PABPC4L: variants seen among roughly 807,000 people sequenced by gnomAD.
PABPC4L encodes poly(A) binding protein cytoplasmic 4 like.
For missense variants in PABPC4L, 452 were observed against 451.4 expected (o/e 1.00, Z -0.01); for synonymous variants, 169 against 164.1 (o/e 1.03, Z -0.23).
At chr4:134,123,193 G>A in the PABPC4L span, among the ~76,000 whole-genome samples, 3 of 151,890 alleles carry the variant, frequency 2.0e-5, no homozygotes, top group African/African-American at 7.3e-5. Flanking sequence ...ATGGCCCACA[G>A]CACTATCACT....
chr4:134,009,835 T>C, the PABPC4L span, among the ~76,000 whole-genome samples: 2,185 of 152,180 alleles, frequency 0.014, 68 homozygotes, highest in Admixed American at 0.054. Flanking sequence ...AAATGTATAT[T>C]AATTGTTCTA....
At chr4:134,073,375 C>G in the PABPC4L span, among the ~76,000 whole-genome samples, 1 of 152,336 alleles carries the variant, frequency 6.6e-6, no homozygotes, top group Middle Eastern at 3.4e-3. Context: ...TGTCTCACAT[C>G]CAGGTCACGC....
the PABPC4L span, among the ~76,000 whole-genome samples, chr4:134,037,837 T>G: frequency 6.6e-6 from 1 of 152,146 alleles, no homozygotes; most frequent in African/African-American, 2.4e-5. Flanking sequence ...CTGATTGCCC[T>G]GGCCAGAACT....
the PABPC4L span, among the ~76,000 whole-genome samples, chr4:134,108,986 T>G: frequency 1.3e-5 from 2 of 152,074 alleles, no homozygotes; most frequent in Non-Finnish European, 2.9e-5. Flanking sequence ...AGTATCAAGT[T>G]TGATAAATAA....
the PABPC4L span, among the ~76,000 whole-genome samples, chr4:133,959,575 C>T: frequency 6.6e-6 from 1 of 152,078 alleles, no homozygotes; most frequent in African/African-American, 2.4e-5. Flanking sequence ...AAATAAAATA[C>T]AAGATGGATT....
At chr4:134,018,111 A>G in the PABPC4L span, among the ~76,000 whole-genome samples, 5 of 151,986 alleles carry the variant, frequency 3.3e-5, no homozygotes, top group Non-Finnish European at 7.4e-5. Context: ...GCCTTAACTG[A>G]TGACATTGTC....
the PABPC4L span, among the ~76,000 whole-genome samples, chr4:134,143,666 C>T: frequency 6.6e-6 from 1 of 150,686 alleles, no homozygotes; most frequent in Admixed American, 6.6e-5. Flanking sequence ...ACAGAATTTC[C>T]CCATAACTCA....
the PABPC4L span, among the ~76,000 whole-genome samples, chr4:134,055,668 A>T: frequency 8.2e-6 from 1 of 121,796 alleles, no homozygotes; most frequent in Non-Finnish European, 1.8e-5. Context: ...AATTGGATTG[A>T]TAATTTTTTT....
chr4:134,113,501 C>T, the PABPC4L span, among the ~76,000 whole-genome samples: 5 of 151,832 alleles, frequency 3.3e-5, no homozygotes, highest in Admixed American at 3.3e-4. Context: ...GAAACAATAG[C>T]TGTATTATAG....
At chr4:134,069,255 T>G in the PABPC4L span, among the ~76,000 whole-genome samples, 1 of 152,108 alleles carries the variant, frequency 6.6e-6, no homozygotes, top group Non-Finnish European at 1.5e-5. Flanking sequence ...ATTTTAACAT[T>G]TTTTCTTTCA....
At chr4:134,177,878 C>A in the PABPC4L span, among the ~76,000 whole-genome samples, 1 of 151,982 alleles carries the variant, frequency 6.6e-6, no homozygotes, top group East Asian at 1.9e-4. Flanking sequence ...ATGACCCCAC[C>A]CTCCCCCACC....
chr4:134,192,874 A>T (rs1237824914), downstream of PABPC4L, among the ~76,000 whole-genome samples: 1 of 152,080 alleles, frequency 6.6e-6, no homozygotes, highest in African/African-American at 2.4e-5. Flanking sequence ...GAGATAGACA[A>T]GTGCTTGGGA....
the PABPC4L span, among the ~76,000 whole-genome samples, chr4:133,968,148 A>G: frequency 2.6e-5 from 4 of 152,174 alleles, no homozygotes; most frequent in Admixed American, 2.6e-4. Context: ...CCCATACAAG[A>G]CTAATGGCAT....
chr4:133,949,249 T>G, the PABPC4L span, among the ~76,000 whole-genome samples: 1 of 152,336 alleles, frequency 6.6e-6, no homozygotes, highest in Non-Finnish European at 1.5e-5. Context: ...GCAGCCCATT[T>G]CAGAACATAA....
chr4:134,046,741 T>C, the PABPC4L span, among the ~76,000 whole-genome samples: 1 of 152,156 alleles, frequency 6.6e-6, no homozygotes, highest in South Asian at 2.1e-4. Context: ...TGGTGATGAC[T>C]TTTACCAAGC....
At chr4:134,105,771 A>G in the PABPC4L span, among the ~76,000 whole-genome samples, 3 of 151,676 alleles carry the variant, frequency 2.0e-5, no homozygotes, top group African/African-American at 7.2e-5. Context: ...GTGGCTGTAG[A>G]AAGTTTTTTA....
chr4:134,175,947 T>TA, the PABPC4L span, among the ~76,000 whole-genome samples: 1 of 152,134 alleles, frequency 6.6e-6, no homozygotes, highest in Non-Finnish European at 1.5e-5. Flanking sequence ...TCTTTCCAAG[T>TA]AAATTCAGAT....
At chr4:134,086,956 C>G in the PABPC4L span, among the ~76,000 whole-genome samples, 1 of 151,364 alleles carries the variant, frequency 6.6e-6, no homozygotes, top group Admixed American at 6.6e-5. Flanking sequence ...TCCCCCTTCC[C>G]CCCACCCCAC....
the PABPC4L span, among the ~76,000 whole-genome samples, chr4:133,984,803 G>C: frequency 1.3e-5 from 2 of 151,942 alleles, no homozygotes; most frequent in East Asian, 3.9e-4. Context: ...AGCGAGATTA[G>C]AGACACTTGT....
Sources: gnomAD v4.1 joint callset for allele counts (sites outside exome capture counted in the v4.1 genomes callset) on GRCh38, gnomAD v4.1.1 for gene constraint, MANE v1.5 for transcripts, NCBI Gene and HGNC (gene_info 2026-07-23, HGNC 2026-07-21) for gene names.